The following MAGI1 variants were observed in gnomAD, a reference collection of about 807,000 sequenced individuals.
MAGI1 encodes the protein membrane associated guanylate kinase, WW and PDZ domain containing 1.
In MAGI1, 58 loss-of-function variants were observed where a neutral mutation model predicts 139.9. The ratio of observed to expected loss-of-function variants is 0.41; its 90% CI spans 0.34 to 0.52. MAGI1 has a LOEUF of 0.52. Ranked by LOEUF, MAGI1 falls within the 20% of genes least tolerant of loss-of-function variation. The pLI is 0.12. For synonymous variants in MAGI1, 812 were observed against 737.9 expected (o/e 1.10, Z -1.63); for missense variants, 1,874 against 1,901.6 (o/e 0.99, Z 0.27).
chr3:65,696,045 G>A (rs754562071), intron 1 of MAGI1, among the ~76,000 whole-genome samples: 4 of 152,036 alleles, frequency 2.6e-5, no homozygotes, highest in Non-Finnish European at 5.9e-5. Flanking sequence ...AAATCCAATG[G>A]CCAGTCACCG....
At position 65,743,964 on chromosome 3, in the gene MAGI1, TA is replaced by T. The variant is rs5849689; in HGVS notation, c.314-121877del. Among the ~76,000 whole-genome samples, 1,455 of 146,968 alleles carry T rather than the reference TA, an allele frequency of 9.9e-3. 23 individuals carry two copies. Among genetic ancestry groups the T allele is most frequent in the African/African-American group, 0.032 (1,260 of 39,936 alleles). ...GCTTTGTTATTCTAAAACTTTAAAA[TA>T]AAAAAAAAAAGTGAGACTTAACATT... On this transcript the variant is annotated intron_variant, in intron 1 of 22. Coordinates refer to ENST00000402939, the MANE Select transcript of MAGI1 (RefSeq NM_001033057.2).
At chr3:65,580,433 A>G (rs916043606) in intron 2 of MAGI1, among the ~76,000 whole-genome samples, 1 of 152,186 alleles carries the variant, frequency 6.6e-6, no homozygotes, top group Non-Finnish European at 1.5e-5. Flanking sequence ...GAAGTGAGCA[A>G]ATCGATACAC....
chr3:66,007,636 G>A (rs1293100174), intron 1 of MAGI1, among the ~76,000 whole-genome samples: 1 of 152,180 alleles, frequency 6.6e-6, no homozygotes, highest in Non-Finnish European at 1.5e-5. Flanking sequence ...TGATGCTTCC[G>A]AGGAAACATT....
chr3:65,617,570 C>T (rs946290962), intron 2 of MAGI1, among the ~76,000 whole-genome samples: 23 of 152,212 alleles, frequency 1.5e-4, no homozygotes, highest in Non-Finnish European at 2.4e-4. Context: ...GAGCTGTGAA[C>T]GGGCACTCCA....
At chr3:65,976,999 A>G (rs2065297810) in intron 1 of MAGI1, among the ~76,000 whole-genome samples, 1 of 152,222 alleles carries the variant, frequency 6.6e-6, no homozygotes, top group African/African-American at 2.4e-5. Flanking sequence ...CAAGTTAACA[A>G]GAAATGGAAA....
intron 7 of MAGI1, 118 bp downstream of exon 7, chr3:65,447,904 T>C (rs1948772789): frequency 2.6e-6 from 3 of 1,158,520 alleles, no homozygotes; most frequent in Non-Finnish European, 3.9e-6. Context: ...AGAATGAAAA[T>C]CATAATTGGA....
chr3:65,478,898 T>A, intron 3 of MAGI1, 100 bp from the exon 4 acceptor site: 8 of 853,992 alleles, frequency 9.4e-6, no homozygotes, highest in Admixed American at 2.2e-5. Flanking sequence ...AAAAAAAAAA[T>A]TAAACTAGAA....
intron 2 of MAGI1, among the ~76,000 whole-genome samples, chr3:65,557,671 T>C (rs1576313596): frequency 6.6e-6 from 1 of 152,230 alleles, no homozygotes; most frequent in Non-Finnish European, 1.5e-5. Context: ...CGTATTTGTT[T>C]AACGAAATCG....
At chr3:65,963,064 C>G in intron 1 of MAGI1, among the ~76,000 whole-genome samples, 1 of 150,138 alleles carries the variant, frequency 6.7e-6, no homozygotes, top group Middle Eastern at 3.4e-3. Flanking sequence ...GGCGCAGTGG[C>G]TCACGTCTGT....
chr3:65,555,280 C>T (rs2080031825), intron 2 of MAGI1, among the ~76,000 whole-genome samples: 2 of 152,158 alleles, frequency 1.3e-5, no homozygotes, highest in Admixed American at 1.3e-4. Flanking sequence ...TCCCTAATAT[C>T]ATGGTTAACA....
intron 1 of MAGI1, among the ~76,000 whole-genome samples, chr3:65,834,433 T>C (rs143251174): frequency 6.6e-6 from 1 of 152,340 alleles, no homozygotes; most frequent in African/African-American, 2.4e-5. Flanking sequence ...GATTCCACTA[T>C]GGTTGGAGAA....
chr3:65,968,722 T>G (rs535661910), intron 1 of MAGI1, among the ~76,000 whole-genome samples: 1 of 152,078 alleles, frequency 6.6e-6, no homozygotes, highest in Non-Finnish European at 1.5e-5. Context: ...GACTTTTCAC[T>G]CTATACCCTT....
intron 1 of MAGI1, among the ~76,000 whole-genome samples, chr3:65,717,030 T>C (rs981762626): frequency 2.0e-5 from 3 of 152,304 alleles, no homozygotes; most frequent in African/African-American, 7.2e-5. Context: ...TTTGCCGATA[T>C]GATTAAGTAA....
At chr3:65,662,223 A>T (rs950547136) in intron 1 of MAGI1, among the ~76,000 whole-genome samples, 1 of 152,238 alleles carries the variant, frequency 6.6e-6, no homozygotes, top group East Asian at 1.9e-4. Context: ...TCCTTCAATT[A>T]ACAAGTAAGC....
chr3:65,443,854 T>C (rs2107445628), intron 7 of MAGI1, among the ~76,000 whole-genome samples: 1 of 152,288 alleles, frequency 6.6e-6, no homozygotes, highest in East Asian at 1.9e-4. Context: ...TACTACAAAC[T>C]TGAAATATTT....
At chr3:65,522,563 G>A (rs1003679203) in intron 2 of MAGI1, among the ~76,000 whole-genome samples, 13 of 152,056 alleles carry the variant, frequency 8.5e-5, no homozygotes, top group Admixed American at 2.6e-4. Context: ...ATCACTTACC[G>A]GTTTAAAGTC....
intron 18 of MAGI1, 31 bp from the exon 19 acceptor site, chr3:65,364,977 A>AAG: frequency 6.3e-7 from 1 of 1,578,050 alleles, no homozygotes; most frequent in Non-Finnish European, 8.7e-7. Context: ...TAAAGAAATG[A>AAG]AGACCCCAGA....
chr3:65,534,306 A>G (rs1252623052), intron 2 of MAGI1, among the ~76,000 whole-genome samples: 8 of 151,936 alleles, frequency 5.3e-5, no homozygotes, highest in Non-Finnish European at 1.2e-4. Context: ...AGATGGCAAA[A>G]CCTCATCTCT....
chr3:65,488,338 T>A (rs1322998722), intron 3 of MAGI1, among the ~76,000 whole-genome samples: 2 of 148,640 alleles, frequency 1.3e-5, no homozygotes, highest in Non-Finnish European at 3.0e-5. Context: ...ACTTTTTTTC[T>A]TTTTTTTTTG....
Sources: gnomAD v4.1 joint callset for allele counts (sites outside exome capture counted in the v4.1 genomes callset) on GRCh38, gnomAD v4.1.1 for gene constraint, MANE v1.5 for transcripts, NCBI Gene and HGNC (gene_info 2026-07-23, HGNC 2026-07-21) for gene names.